Variants in TRIQK observed in about 807,000 individuals in gnomAD.
The protein encoded by TRIQK is triple QxxK/R motif-containing protein.
TRIQK carries 10 observed loss-of-function variants against 10.8 expected under a neutral mutation model. The observed-to-expected ratio is 0.92, with a 90% CI of 0.57 to 1.57. The LOEUF (loss-of-function observed/expected upper bound fraction) is 1.57. TRIQK is among the 40% of genes most tolerant of loss of function. TRIQK has a pLI of 0.00. For synonymous variants in TRIQK, 33 were observed against 33.7 expected, an observed-to-expected ratio of 0.98 and a Z score of 0.07; for missense variants, 107 against 97.7, an observed-to-expected ratio of 1.09 and a Z score of -0.40.
At chr8:92,930,580 A>T (rs184995678) in intron 2 of TRIQK, among the ~76,000 whole-genome samples, 18 of 152,046 alleles carry the variant, frequency 1.2e-4, no homozygotes, top group Admixed American at 1.2e-3. Context: ...ACTGCACGCT[A>T]AGAGCTTAAT....
chr8:92,937,811 T>C (rs1386995028), intron 2 of TRIQK, among the ~76,000 whole-genome samples: 2 of 151,916 alleles, frequency 1.3e-5, no homozygotes, highest in East Asian at 3.8e-4. Flanking sequence ...CTCTATCCTT[T>C]GGGATATTAT....
At chr8:92,962,968 G>A (rs1812534921) in intron 1 of TRIQK, among the ~76,000 whole-genome samples, 1 of 152,184 alleles carries the variant, frequency 6.6e-6, no homozygotes, top group South Asian at 2.1e-4. Context: ...CACTCGACTT[G>A]TTATTGCAAG....
intron 2 of TRIQK, among the ~76,000 whole-genome samples, chr8:92,938,983 G>C (rs571467425): frequency 1.3e-5 from 2 of 152,042 alleles, no homozygotes; most frequent in African/African-American, 4.8e-5. Flanking sequence ...TCTATTGACT[G>C]TTTTTCTCTT....
chr8:92,997,747 T>C (rs557060876), intron 1 of TRIQK, among the ~76,000 whole-genome samples: 2 of 152,194 alleles, frequency 1.3e-5, no homozygotes, highest in South Asian at 2.1e-4. Context: ...AGTGAATGAA[T>C]GAATTAATGA....
At chr8:92,975,609 T>C (rs62520823) in intron 1 of TRIQK, among the ~76,000 whole-genome samples, 26,545 of 152,062 alleles carry the variant, frequency 0.17, 3,044 homozygotes, top group Non-Finnish European at 0.25. Flanking sequence ...TTTTATTACC[T>C]TTCTTAAAGA....
At chr8:93,010,307 T>A (rs1291035444) in intron 1 of TRIQK, among the ~76,000 whole-genome samples, 1 of 152,132 alleles carries the variant, frequency 6.6e-6, no homozygotes, top group Non-Finnish European at 1.5e-5. Context: ...AGGTGATGTA[T>A]ATGCTAATTA....
intron 3 of TRIQK, among the ~76,000 whole-genome samples, chr8:92,893,761 G>C (rs1388668267): frequency 6.7e-6 from 1 of 148,678 alleles, no homozygotes; most frequent in Non-Finnish European, 1.5e-5. Context: ...CAAGAATTCT[G>C]AAAGATATTT....
chr8:92,902,696 T>A (rs1489649598), intron 3 of TRIQK, among the ~76,000 whole-genome samples: 25 of 152,132 alleles, frequency 1.6e-4, no homozygotes, highest in Admixed American at 1.6e-3. Flanking sequence ...TATATTTAAG[T>A]AATTTTATAA....
chr8:92,976,137 T>G (rs1485182979), intron 1 of TRIQK, among the ~76,000 whole-genome samples: 2 of 151,974 alleles, frequency 1.3e-5, no homozygotes, highest in East Asian at 3.9e-4. Context: ...CTGCTTTACT[T>G]CAATAGCATT....
At chr8:92,953,908 C>G (rs951190546) in intron 2 of TRIQK, 2 of 151,820 alleles carry the variant, frequency 1.3e-5, no homozygotes, top group Admixed American at 1.3e-4. Context: ...CATATTTCCT[C>G]TCTCCACAAT....
chr8:92,991,636 A>G (rs189423915), intron 1 of TRIQK, among the ~76,000 whole-genome samples: 31 of 152,284 alleles, frequency 2.0e-4, no homozygotes, highest in African/African-American at 7.2e-4. Context: ...TCAACATAGT[A>G]TTGGAAGTTC....
At chr8:92,994,927 T>TA (rs59817503) in intron 1 of TRIQK, among the ~76,000 whole-genome samples, 39,572 of 150,860 alleles carry the variant, frequency 0.26, 6,083 homozygotes, top group African/African-American at 0.43. Flanking sequence ...TTCCTTCTCT[T>TA]AAAAAAAAAC....
At chr8:92,974,226 T>G (rs1450877130) in intron 1 of TRIQK, 2 of 152,332 alleles carry the variant, frequency 1.3e-5, no homozygotes, top group East Asian at 1.9e-4. Flanking sequence ...TACTAGCTGC[T>G]GGACATCCTG....
At chr8:92,974,667 T>C (rs963847310) in intron 1 of TRIQK, 1 of 152,268 alleles carries the variant, frequency 6.6e-6, no homozygotes, top group African/African-American at 2.4e-5. Context: ...AGCAATCTCA[T>C]CAATTGCAGA....
At chr8:92,959,480 TACACACACACACACACAC>T (rs34816958) in intron 1 of TRIQK, among the ~76,000 whole-genome samples, 4 of 143,734 alleles carry the variant, frequency 2.8e-5, no homozygotes, top group Admixed American at 7.1e-5. Context: ...TATATATGCA[TACACACACACACACACAC>T]ACACACACAC....
chr8:92,974,159 CA>C (rs1246747830), intron 1 of TRIQK: 1 of 152,334 alleles, frequency 6.6e-6, no homozygotes, highest in African/African-American at 2.4e-5. Flanking sequence ...AAGCCTGAAA[CA>C]GGTGCACTTC....
At chr8:92,982,435 C>G (rs1267611048) in intron 1 of TRIQK, among the ~76,000 whole-genome samples, 1 of 151,914 alleles carries the variant, frequency 6.6e-6, no homozygotes, top group Admixed American at 6.6e-5. Context: ...AGTATTTTGT[C>G]AGTCAACAAA....
At chr8:92,943,685 A>C (rs1168735326) in intron 2 of TRIQK, among the ~76,000 whole-genome samples, 2 of 152,214 alleles carry the variant, frequency 1.3e-5, no homozygotes, top group Non-Finnish European at 2.9e-5. Context: ...AAATGAATTA[A>C]AGGCTTAAAT....
chr8:92,942,486 C>A (rs1811318157), intron 2 of TRIQK, among the ~76,000 whole-genome samples: 1 of 152,108 alleles, frequency 6.6e-6, no homozygotes, highest in Non-Finnish European at 1.5e-5. Flanking sequence ...TGGAGCAAGA[C>A]AAGGATGCTC....
Sources: gnomAD v4.1 joint callset for allele counts (sites outside exome capture counted in the v4.1 genomes callset) on GRCh38, gnomAD v4.1.1 for gene constraint, MANE v1.5 for transcripts, NCBI Gene and HGNC (gene_info 2026-07-23, HGNC 2026-07-21) for gene names.